Variants in PCDHA8 observed in about 807,000 individuals in gnomAD.
PCDHA8 encodes the protein protocadherin alpha 8.
A neutral mutation model predicts 61.8 loss-of-function variants in PCDHA8; 53 were observed. The observed-to-expected ratio is 0.86, with a 90% CI of 0.69 to 1.08. The LOEUF is 1.08. Ranked by LOEUF, PCDHA8 falls within the 50% of genes least tolerant of loss-of-function variation. The pLI is 0.00. For missense variants in PCDHA8, 1,293 were observed against 1,245.0 expected (o/e 1.04, Z -0.58); for synonymous variants, 618 against 556.6 (o/e 1.11, Z -1.55).
chr5:140,843,271 G>A lies in PCDHA8; in HGVS notation c.1950G>A (p.Leu650=). ...ADSPRHRLLV[L]VKDHGEPALT... is the part of the protein sequence containing the mutation. ...CTCCGCGCCACCGTCTGCTGGTCCT[G>A]GTGAAGGATCATGGTGAACCTGCGC... Residue 650 remains leucine, a synonymous_variant, in exon 1 of 4, where the codon CTG becomes CTA. Transcript: ENST00000531613. 1 of 1,596,112 alleles carries A rather than the reference G, an allele frequency of 6.3e-7. No homozygotes were observed. Among genetic ancestry groups the A allele is most frequent in the East Asian group, 2.2e-5 (1 of 44,828 alleles).
chr5:140,967,985 A>G, intron 1 of PCDHA8: 3 of 1,614,218 alleles, frequency 1.9e-6, no homozygotes, highest in East Asian at 4.5e-5. Flanking sequence ...TCTGGAGGCC[A>G]CACTGCCTTT....
chr5:140,965,676 G>A (rs906070464), intron 1 of PCDHA8, among the ~76,000 whole-genome samples: 1 of 152,132 alleles, frequency 6.6e-6, no homozygotes, highest in African/African-American at 2.4e-5. Flanking sequence ...AAATGTAAAA[G>A]ATTTGAAGCA....
At chr5:140,959,544 T>C (rs2095494180) in intron 1 of PCDHA8, among the ~76,000 whole-genome samples, 1 of 152,208 alleles carries the variant, frequency 6.6e-6, no homozygotes, top group Non-Finnish European at 1.5e-5. Context: ...AGAGATGCTG[T>C]ATAAATAGAA....
At chr5:140,915,264 G>A (rs536821921) in intron 1 of PCDHA8, among the ~76,000 whole-genome samples, 9 of 151,876 alleles carry the variant, frequency 5.9e-5, no homozygotes, top group Non-Finnish European at 1.3e-4. Context: ...TATTATTTTT[G>A]ACCAGTTCAT....
intron 1 of PCDHA8, among the ~76,000 whole-genome samples, chr5:140,938,547 C>CTTTTA (rs59072362): frequency 0.32 from 48,749 of 151,290 alleles, 8,071 homozygotes; most frequent in East Asian, 0.53. Flanking sequence ...GATTTTTATC[C>CTTTTA]TTTTATTAAT....
chr5:140,961,929 G>C (rs1387333199), intron 1 of PCDHA8, among the ~76,000 whole-genome samples: 1 of 151,712 alleles, frequency 6.6e-6, no homozygotes, highest in Non-Finnish European at 1.5e-5. Context: ...TGTTGCCCAG[G>C]CTGGAGTGCA....
Position 140,841,949 on chromosome 5 carries a change from T to G in PCDHA8, c.628T>G (p.Leu210Val), listed in dbSNP as rs2150326373. 1 of 1,613,920 alleles carries G rather than the reference T, an allele frequency of 6.2e-7. No individual in the cohort carries two copies. The change falls in exon 1 of 4, where the codon TTA (leucine) becomes GTA (valine). Residue 210 changes from leucine (L) to valine (V), a missense_variant. Physicochemically the swap from Leu to Val is conservative, Grantham distance 32. Transcript: ENST00000531613. ...CAGAGAGGACGCTCCTGCGCACCAC[T>G]TATTCCTGACAGCCACAGATGGGGG... Reference protein sequence around the residue: ...LDREDAPAHHLFLTATDGGKP... With the variant: ...LDREDAPAHHVFLTATDGGKP...
chr5:140,981,699 T>A (rs1162840326), intron 2 of PCDHA8, among the ~76,000 whole-genome samples: 1 of 151,316 alleles, frequency 6.6e-6, no homozygotes, highest in Non-Finnish European at 1.5e-5. Context: ...CATTCATTCA[T>A]TCATTCATTC....
rs932495728 is a variant in PCDHA8, at chr5:140,945,802, C to T, written c.2395-33147C>T. ...AGATGCAGAAAAATGAAACTAGACC[C>T]TTATCTCACACTGTATACAAAAGTC... On this transcript the variant is annotated intron_variant, in intron 1 of 3. Coordinates refer to ENST00000531613, the MANE Select transcript of PCDHA8 (RefSeq NM_018911.3). Among the ~76,000 whole-genome samples the T allele has an allele frequency of 5.9e-5, 9 of 152,202 alleles. No homozygotes were observed. The East Asian group carries it at 1.7e-3, about 29-fold the overall frequency.
At chr5:140,905,802 C>T (rs1043410620) in intron 1 of PCDHA8, among the ~76,000 whole-genome samples, 11 of 152,152 alleles carry the variant, frequency 7.2e-5, no homozygotes, top group African/African-American at 2.7e-4. Flanking sequence ...TCTAGAGGGA[C>T]AGAATTAATA....
intron 1 of PCDHA8, among the ~76,000 whole-genome samples, chr5:140,846,416 C>T (rs1275676707): frequency 1.5e-5 from 2 of 134,880 alleles, no homozygotes; most frequent in African/African-American, 5.4e-5. Context: ...GCTCTATCTC[C>T]CAGGCTGGAA....
intron 1 of PCDHA8, among the ~76,000 whole-genome samples, chr5:140,895,314 G>A (rs2064960648): frequency 6.6e-6 from 1 of 151,858 alleles, no homozygotes; most frequent in Non-Finnish European, 1.5e-5. Context: ...TTCCACCCAT[G>A]ACTATTGTTC....
chr5:140,874,676 G>A (rs1487161384), intron 1 of PCDHA8, among the ~76,000 whole-genome samples: 4 of 152,136 alleles, frequency 2.6e-5, no homozygotes, highest in African/African-American at 9.7e-5. Context: ...CTATTCCTGA[G>A]ATTTGTTTTA....
At position 140,998,145 on chromosome 5, in the gene PCDHA8, A is replaced by G. The variant is rs115385085; in HGVS notation, c.2543-11482A>G. ...GAATCATAATAGCTAACCTGTACTG[A>G]ACAGTTAAGCCATGTGCCAAGTATT... On this transcript the variant is annotated intron_variant, in intron 3 of 3. Transcript: ENST00000531613. 2.1e-3 allele frequency among the ~76,000 whole-genome samples: 325 copies of G among 152,342 alleles called. 2 individuals carry two copies. Among genetic ancestry groups the G allele is most frequent in the African/African-American group, 7.1e-3 (294 of 41,566 alleles).
intron 1 of PCDHA8, among the ~76,000 whole-genome samples, chr5:140,916,237 A>G (rs1004473327): frequency 6.6e-6 from 1 of 152,182 alleles, no homozygotes; most frequent in African/African-American, 2.4e-5. Context: ...CCAGGAGCCA[A>G]AGCCTGGACT....
At chr5:140,895,835 A>G (rs782780692) in intron 1 of PCDHA8, among the ~76,000 whole-genome samples, 3 of 152,096 alleles carry the variant, frequency 2.0e-5, no homozygotes, top group Non-Finnish European at 4.4e-5. Context: ...TTTTCAGACA[A>G]AGTCTCACTC....
intron 1 of PCDHA8, among the ~76,000 whole-genome samples, chr5:140,971,388 C>A (rs1554233283): frequency 6.6e-6 from 1 of 152,132 alleles, no homozygotes; most frequent in Non-Finnish European, 1.5e-5. Flanking sequence ...TTAATAAAGG[C>A]AAATTTCTGC....
chr5:140,999,132 T>C (rs1430473415), intron 3 of PCDHA8, among the ~76,000 whole-genome samples: 2 of 152,160 alleles, frequency 1.3e-5, no homozygotes, highest in Non-Finnish European at 2.9e-5. Flanking sequence ...CTGGAAAATG[T>C]CACAGCCGGA....
chr5:140,853,313 T>C lies in PCDHA8; in HGVS notation c.2394+9598T>C, dbSNP rs1581310278. The C allele has an allele frequency of 3.0e-6, 3 of 984,212 alleles. 1 individual carries two copies. Among genetic ancestry groups the C allele is most frequent in the Non-Finnish European group, 1.2e-6 (1 of 816,620 alleles). 61.0% of individuals were successfully genotyped at this position (984,212 alleles called of 1,614,324 possible). A position where few individuals can be genotyped will look rare whatever the true frequency, so the allele number is the denominator to read the frequency against. On this transcript the variant is annotated intron_variant, in intron 1 of 3. Transcript: ENST00000531613. ...CTCAGAAGGGCTGTGAACACCTTAG[T>C]AATAAATTTATCTTTTGAGGTCATT...
Sources: gnomAD v4.1 joint callset for allele counts (sites outside exome capture counted in the v4.1 genomes callset) on GRCh38, gnomAD v4.1.1 for gene constraint, MANE v1.5 for transcripts, NCBI Gene and HGNC (gene_info 2026-07-23, HGNC 2026-07-21) for gene names.